The following SLC27A2 variants were observed in gnomAD, a reference collection of about 807,000 sequenced individuals.
The protein encoded by SLC27A2 is long-chain fatty acid transport protein 2.
A neutral mutation model predicts 60.0 loss-of-function variants in SLC27A2; 54 were observed. The observed-to-expected ratio is 0.90, with a 90% CI of 0.72 to 1.13. The LOEUF (loss-of-function observed/expected upper bound fraction) is 1.13. Among genes scored for constraint, SLC27A2 ranks in the 50% most tolerant of loss-of-function variants. The probability of loss-of-function intolerance (pLI) is 0.00; values close to 1 mark genes in which losing one functional copy is unlikely to be tolerated. For synonymous variants in SLC27A2, 297 were observed against 297.6 expected, an observed-to-expected ratio of 1.00 and a Z score of 0.02; for missense variants, 739 against 777.6, an observed-to-expected ratio of 0.95 and a Z score of 0.59.
chr15:50,204,516 G>A (rs954174669), intron 3 of SLC27A2, among the ~76,000 whole-genome samples: 18 of 151,820 alleles, frequency 1.2e-4, no homozygotes, highest in Admixed American at 4.6e-4. Context: ...TACAGATCAC[G>A]AGGTCAGGAG....
At chr15:50,187,969 CAAAA>C (rs36119542) in intron 1 of SLC27A2, among the ~76,000 whole-genome samples, 8 of 105,698 alleles carry the variant, frequency 7.6e-5, no homozygotes, top group Admixed American at 9.7e-5. Flanking sequence ...GAGAGGCCAC[CAAAA>C]AAAAAAAAAA....
At chr15:50,193,563 AGTT>A (rs1595681073) in intron 1 of SLC27A2, among the ~76,000 whole-genome samples, 1 of 152,190 alleles carries the variant, frequency 6.6e-6, no homozygotes, top group Non-Finnish European at 1.5e-5. Context: ...TAGCAGTAGG[AGTT>A]GTTGTTTTAA....
chr15:50,201,175 G>T (rs929493000), intron 2 of SLC27A2, among the ~76,000 whole-genome samples: 1 of 152,030 alleles, frequency 6.6e-6, no homozygotes, highest in Admixed American at 6.6e-5. Context: ...GTAGAGGAGG[G>T]GTCTCACTAT....
At chr15:50,213,999 CAAAA>C (rs563515592) in intron 4 of SLC27A2, among the ~76,000 whole-genome samples, 1 of 108,424 alleles carries the variant, frequency 9.2e-6, no homozygotes, top group African/African-American at 3.8e-5. Context: ...AACAAACAAA[CAAAA>C]AAAAAGATAA....
chr15:50,222,011 TAATAA>T (rs1027903173), intron 4 of SLC27A2: 3 of 152,278 alleles, frequency 2.0e-5, no homozygotes, highest in Middle Eastern at 3.4e-3. Context: ...CAATTAAAAA[TAATAA>T]AATAAAATAA....
chr15:50,192,357 C>T (rs2044981145), intron 1 of SLC27A2, among the ~76,000 whole-genome samples: 1 of 152,096 alleles, frequency 6.6e-6, no homozygotes, highest in Admixed American at 6.5e-5. Context: ...GCCCTCCCTT[C>T]AGATTAGATG....
At chr15:50,235,156 C>G (rs1168924137) in intron 9 of SLC27A2, among the ~76,000 whole-genome samples, 1 of 152,088 alleles carries the variant, frequency 6.6e-6, no homozygotes, top group Non-Finnish European at 1.5e-5. Flanking sequence ...TCTTAAGATT[C>G]CAGATATTGT....
chr15:50,185,012 A>G (rs756408323), intron 1 of SLC27A2, among the ~76,000 whole-genome samples: 13 of 152,218 alleles, frequency 8.5e-5, no homozygotes, highest in Non-Finnish European at 1.9e-4. Context: ...TTGGAGGGAA[A>G]TTATTAACAC....
At chr15:50,204,820 AATATATATGTATGTGTGTGT>A (rs2045097417) in intron 3 of SLC27A2, among the ~76,000 whole-genome samples, 1 of 148,024 alleles carries the variant, frequency 6.8e-6, no homozygotes, top group Admixed American at 6.7e-5. Context: ...GTATATATAT[AATATATATGTATGTGTGTGT>A]ATATATATGT....
intron 1 of SLC27A2, 152 bp from the exon 2 acceptor site, chr15:50,197,348 T>C: frequency 1.8e-6 from 1 of 559,310 alleles, no homozygotes; most frequent in Non-Finnish European, 3.1e-6. Flanking sequence ...ATAATAATAA[T>C]ATAAAATGCA....
chr15:50,197,513 T>C lies in SLC27A2; in HGVS notation c.492T>C (p.Ala164=), dbSNP rs745862628. The change falls in exon 2 of 10, where the codon GCT becomes GCC. Residue 164 remains alanine, a synonymous_variant. Transcript: ENST00000267842. ...TATTAAATTAAGAACTACAAGCAGC[T>C]GTCGAAGAGATACTGCCAAGCCTTA... ...VLLVSPELQA[A]VEEILPSLKK... 3 of 1,613,378 alleles carry C rather than the reference T, an allele frequency of 1.9e-6. No individual in the cohort carries two copies. The highest frequency in any genetic ancestry group is 1.7e-6 in the Non-Finnish European group (2 of 1,179,366).
At chr15:50,223,945 A>C (rs2045261746) in intron 5 of SLC27A2, among the ~76,000 whole-genome samples, 1 of 152,222 alleles carries the variant, frequency 6.6e-6, no homozygotes, top group East Asian at 1.9e-4. Context: ...GGCCAGCAGA[A>C]TACAGAGGAC....
At chr15:50,196,675 G>A (rs1018504359) in intron 1 of SLC27A2, among the ~76,000 whole-genome samples, 4 of 152,136 alleles carry the variant, frequency 2.6e-5, no homozygotes, top group Non-Finnish European at 4.4e-5. Flanking sequence ...ATATCGCTCA[G>A]TTTAAATGAT....
intron 9 of SLC27A2, among the ~76,000 whole-genome samples, chr15:50,234,607 A>C (rs6493423): frequency 0.31 from 45,996 of 146,510 alleles, 7,669 homozygotes; most frequent in Middle Eastern, 0.4. Context: ...AAAAAAAAAA[A>C]AATTAGCCAG....
At chr15:50,197,197 T>C (rs1361921938) in intron 1 of SLC27A2, among the ~76,000 whole-genome samples, 2 of 152,068 alleles carry the variant, frequency 1.3e-5, no homozygotes, top group East Asian at 1.9e-4. Context: ...GTAAATTTCA[T>C]GTTTAAAATG....
chr15:50,196,077 A>T (rs866116384), intron 1 of SLC27A2, among the ~76,000 whole-genome samples: 18 of 15,416 alleles, frequency 1.2e-3, no homozygotes, highest in South Asian at 5.4e-3. Flanking sequence ...AAAAAAAAAA[A>T]ATATATATAT....
chr15:50,204,854 T>C (rs1390483248), intron 3 of SLC27A2, among the ~76,000 whole-genome samples: 1 of 147,982 alleles, frequency 6.8e-6, no homozygotes, highest in East Asian at 1.9e-4. Flanking sequence ...TATATGTATG[T>C]GTGTATATAT....
chr15:50,204,026 C>T (rs576252717), intron 3 of SLC27A2, among the ~76,000 whole-genome samples: 1 of 151,038 alleles, frequency 6.6e-6, no homozygotes, highest in African/African-American at 2.4e-5. Flanking sequence ...CACACACATA[C>T]ACACACACAC....
At chr15:50,228,924 T>C (rs758673777) in intron 7 of SLC27A2, 21 bp from the exon 8 acceptor site, 1 of 1,570,606 alleles carries the variant, frequency 6.4e-7, no homozygotes. Flanking sequence ...TGACCTCTGC[T>C]AACTTTGTCC....
Sources: gnomAD v4.1 joint callset for allele counts (sites outside exome capture counted in the v4.1 genomes callset) on GRCh38, gnomAD v4.1.1 for gene constraint, MANE v1.5 for transcripts, NCBI Gene and HGNC (gene_info 2026-07-23, HGNC 2026-07-21) for gene names.